The following WDFY4 variants were observed in gnomAD, a reference collection of about 807,000 sequenced individuals.
The protein encoded by WDFY4 is WDFY family member 4.
WDFY4 carries 169 observed loss-of-function variants against 351.9 expected under a neutral mutation model. The observed-to-expected ratio is 0.48, with a 90% CI of 0.42 to 0.55. The LOEUF is 0.55. WDFY4 is among the 20% of genes least tolerant of loss of function. The pLI is 0.00. For missense variants in WDFY4, 3,803 were observed against 3,935.6 expected (o/e 0.97, Z 0.90); for synonymous variants, 1,622 against 1,574.6 (o/e 1.03, Z -0.71).
At chr10:48,690,432 C>T (rs950064123) in intron 1 of WDFY4, among the ~76,000 whole-genome samples, 2 of 152,130 alleles carry the variant, frequency 1.3e-5, no homozygotes, top group African/African-American at 4.8e-5. Flanking sequence ...GCCAGTGGCA[C>T]CTTTGCCTGA....
intron 54 of WDFY4, 37 bp from the exon 55 acceptor site, chr10:48,966,489 C>A (rs1019344872): frequency 2.6e-6 from 4 of 1,532,092 alleles, no homozygotes; most frequent in Non-Finnish European, 3.5e-6. Context: ...CTCTGGGCAT[C>A]TCTCCCCTCA....
intron 51 of WDFY4, among the ~76,000 whole-genome samples, chr10:48,948,200 C>T (rs891053531): frequency 6.6e-6 from 1 of 152,196 alleles, no homozygotes; most frequent in Non-Finnish European, 1.5e-5. Flanking sequence ...CGGCATAACA[C>T]GTCTAGACAT....
chr10:48,711,209 T>G (rs2063760635), intron 2 of WDFY4, among the ~76,000 whole-genome samples: 1 of 152,242 alleles, frequency 6.6e-6, no homozygotes, highest in Admixed American at 6.5e-5. Flanking sequence ...CATTCCATAC[T>G]TAGCATTAAA....
At chr10:48,942,616 G>A (rs569783174) in intron 48 of WDFY4, among the ~76,000 whole-genome samples, 46 of 152,354 alleles carry the variant, frequency 3.0e-4, no homozygotes, top group African/African-American at 9.9e-4. Flanking sequence ...CAGTTGTAGA[G>A]ATTCGGGGAC....
chr10:48,834,111 G>A (rs1374988557), intron 39 of WDFY4, among the ~76,000 whole-genome samples: 1 of 152,212 alleles, frequency 6.6e-6, no homozygotes, highest in Non-Finnish European at 1.5e-5. Flanking sequence ...TATTCAGGCT[G>A]TATTCTCAGG....
chr10:48,961,961 C>A (rs1201804365), intron 53 of WDFY4, among the ~76,000 whole-genome samples: 1 of 152,152 alleles, frequency 6.6e-6, no homozygotes, highest in East Asian at 1.9e-4. Context: ...CTTGAACTTG[C>A]TGAAGGAGAA....
chr10:48,855,608 AC>A (rs903259727), intron 39 of WDFY4, among the ~76,000 whole-genome samples: 18 of 152,176 alleles, frequency 1.2e-4, no homozygotes, highest in Middle Eastern at 3.4e-3. Flanking sequence ...ATTCATAGTT[AC>A]TATATTATAA....
chr10:48,802,596 G>T (rs2067121384), intron 24 of WDFY4: 1 of 420,400 alleles, frequency 2.4e-6, no homozygotes, highest in African/African-American at 2.1e-5. Context: ...AGACATGATG[G>T]CATCCATCAA....
At chr10:48,737,163 C>T (rs2064697866) in intron 11 of WDFY4, among the ~76,000 whole-genome samples, 1 of 152,100 alleles carries the variant, frequency 6.6e-6, no homozygotes, top group African/African-American at 2.4e-5. Flanking sequence ...ACATGTGCCA[C>T]CACGCTTGGC....
intron 40 of WDFY4, among the ~76,000 whole-genome samples, chr10:48,871,129 G>A (rs752265254): frequency 6.6e-6 from 1 of 152,062 alleles, no homozygotes. Context: ...AAGAGACGGG[G>A]TTTCACCGTG....
At chr10:48,703,385 G>A (rs1189752227) in intron 1 of WDFY4, among the ~76,000 whole-genome samples, 1 of 152,176 alleles carries the variant, frequency 6.6e-6, no homozygotes, top group Admixed American at 6.5e-5. Context: ...AAGGCCTGAG[G>A]GCCATGGCCC....
At chr10:48,861,357 T>G (rs1589766719) in intron 39 of WDFY4, among the ~76,000 whole-genome samples, 1 of 152,208 alleles carries the variant, frequency 6.6e-6, no homozygotes, top group Admixed American at 6.5e-5. Flanking sequence ...AGAGCTTCCT[T>G]TAACTATTCT....
intron 39 of WDFY4, among the ~76,000 whole-genome samples, chr10:48,863,820 G>A (rs530991975): frequency 5.4e-4 from 82 of 152,270 alleles, no homozygotes; most frequent in African/African-American, 1.6e-3. Flanking sequence ...GGCTGGGGAG[G>A]CCTCAGGAAA....
chr10:48,813,222 G>A (rs1241583227), intron 30 of WDFY4, among the ~76,000 whole-genome samples: 1 of 151,936 alleles, frequency 6.6e-6, no homozygotes, highest in Non-Finnish European at 1.5e-5. Context: ...GCCAAGAGAA[G>A]GTTAAAAAAT....
chr10:48,820,129 T>C, intron 32 of WDFY4, 105 bp from the exon 33 acceptor site: 2 of 1,294,440 alleles, frequency 1.5e-6, no homozygotes, highest in East Asian at 2.5e-5. Flanking sequence ...TTTCCGTACA[T>C]GTCACTGGGC....
chr10:48,901,552 C>T (rs760019934), intron 46 of WDFY4, among the ~76,000 whole-genome samples: 14 of 152,226 alleles, frequency 9.2e-5, no homozygotes, highest in Non-Finnish European at 1.8e-4. Flanking sequence ...GTACCTCACA[C>T]ACACTGCCTA....
chr10:48,911,023 C>T (rs1373798880), intron 47 of WDFY4: 8 of 432,498 alleles, frequency 1.8e-5, no homozygotes, highest in South Asian at 9.6e-5. Flanking sequence ...TGTAGCTATC[C>T]GGCACTGTCT....
chr10:48,881,462 C>T (rs1429442500), intron 43 of WDFY4, among the ~76,000 whole-genome samples: 1 of 152,138 alleles, frequency 6.6e-6, no homozygotes, highest in African/African-American at 2.4e-5. Context: ...CCATGAGAGG[C>T]CTGACCAGCT....
chr10:48,851,993 TAA>T (rs1452543641), intron 39 of WDFY4, among the ~76,000 whole-genome samples: 1 of 152,252 alleles, frequency 6.6e-6, no homozygotes, highest in Admixed American at 6.5e-5. Context: ...TCAAACTCTT[TAA>T]TGTGCTGGCA....
Sources: gnomAD v4.1 joint callset for allele counts (sites outside exome capture counted in the v4.1 genomes callset) on GRCh38, gnomAD v4.1.1 for gene constraint, MANE v1.5 for transcripts, NCBI Gene and HGNC (gene_info 2026-07-23, HGNC 2026-07-21) for gene names.